POLR2B: variants seen among roughly 807,000 people sequenced by gnomAD.
The protein encoded by POLR2B is DNA-directed RNA polymerase II subunit RPB2.
A neutral mutation model predicts 144.6 loss-of-function variants in POLR2B; 57 were observed. The ratio of observed to expected loss-of-function variants is 0.39; its 90% CI spans 0.32 to 0.49. The LOEUF is 0.49. POLR2B is among the 20% of genes least tolerant of loss of function. The pLI, the probability that POLR2B is intolerant of heterozygous loss-of-function variation, is 0.83. For missense variants in POLR2B, 595 were observed against 1,467.4 expected (o/e 0.41, Z 9.71); for synonymous variants, 442 against 469.8 (o/e 0.94, Z 0.77).
chr4:57,024,724 CAT>C (rs1463650384), intron 21 of POLR2B, among the ~76,000 whole-genome samples, 160 bp from the exon 22 acceptor site: 1 of 152,104 alleles, frequency 6.6e-6, no homozygotes, highest in Non-Finnish European at 1.5e-5. Context: ...CTTTCCATAA[CAT>C]AGATTTTGAG....
intron 22 of POLR2B, 68 bp downstream of exon 22, chr4:57,025,067 A>G: frequency 1.3e-6 from 1 of 787,980 alleles, no homozygotes; most frequent in Non-Finnish European, 2.1e-6. Flanking sequence ...TTTATTCTGA[A>G]ACAATGTAAC....
intron 23 of POLR2B, 77 bp from the exon 24 acceptor site, chr4:57,030,127 C>G (rs774864934): frequency 1.7e-6 from 2 of 1,144,922 alleles, no homozygotes; most frequent in African/African-American, 3.2e-5. Context: ...AAATATTATT[C>G]TCCACCTTTG....
Position 56,994,841 on chromosome 4 carries a change from A to T in POLR2B, c.551A>T (p.Tyr184Phe). The change falls in exon 5 of 25, where the codon TAT becomes TTT. Residue 184 changes from tyrosine to phenylalanine, a missense_variant. Tyr to Phe is a conservative substitution (Grantham distance 22). Around this residue, in one of 9 missense-constraint regions of POLR2B, gnomAD observed 251 missense variants for 567.3 expected, o/e 0.44. Coordinates refer to ENST00000314595, the MANE Select transcript of POLR2B (RefSeq NM_000938.3). ...LNECPLDPGG[Y>F]FIINGSEKVL... ...GAATGCCCTTTGGATCCTGGTGGCTATTTCATTATTAATGGATCAGAAAAG... is the reference window on the plus strand; with the variant it reads ...GAATGCCCTTTGGATCCTGGTGGCTTTTTCATTATTAATGGATCAGAAAAG... 6.2e-7 allele frequency: 1 copy of T among 1,601,354 alleles called. No homozygotes were observed. The highest frequency in any genetic ancestry group is 1.7e-5 in the Admixed American group (1 of 59,820).
Position 57,022,170 on chromosome 4 carries a change from A to C in POLR2B, c.2439A>C (p.Ser813=). ...TTTTTAGGTCTGTTTTCTATCGCTC[A>C]TACAAAGAACAGGAGTCTAAAAAAG... is the stretch of plus-strand genomic sequence containing the variant. The part of the protein sequence containing the change: ...RGFFRSVFYR[S]YKEQESKKGF... The change falls in exon 18 of 25, where the codon TCA becomes TCC. Residue 813 remains serine, a synonymous_variant. Coordinates refer to ENST00000314595, the MANE Select transcript of POLR2B (RefSeq NM_000938.3). The C allele has an allele frequency of 1.2e-6, 2 of 1,609,394 alleles. No individual in the cohort carries two copies. The highest frequency in any genetic ancestry group is 2.7e-5 in the African/African-American group (2 of 74,918).
At position 57,023,594 on chromosome 4, in the gene POLR2B, T is replaced by C; in HGVS notation, c.2766+14T>C. On this transcript the variant is annotated intron_variant, in intron 19 of 24. Transcript: ENST00000314595. The surrounding 1 kb of genome is among the most constrained non-coding windows in gnomAD (Gnocchi z 4.3). The stretch of plus-strand genomic sequence containing the variant: ...TGTAAAATAAGGGTGAGTACAACTT[T>C]GTTCATGTAGCTAGTTTTAGAAAGT... The C allele has an allele frequency of 6.2e-7, 1 of 1,613,140 alleles. No individual in the cohort carries two copies. Among genetic ancestry groups the C allele is most frequent in the Non-Finnish European group, 8.5e-7 (1 of 1,179,262 alleles).
In POLR2B at chr4:57,010,390, T is replaced by G; in HGVS notation, c.1434T>G (p.Thr478=). 3 of 1,614,024 alleles carry G rather than the reference T, an allele frequency of 1.9e-6. No individual in the cohort carries two copies. The highest frequency in any genetic ancestry group is 2.5e-6 in the Non-Finnish European group (3 of 1,179,966). The change falls in exon 11 of 25, where the codon ACT becomes ACG. Residue 478 remains threonine, a synonymous_variant. Transcript: ENST00000314595. ...TAAACCGCCTGACTTTTGCGTCTAC[T>G]CTTTCTCACCTGCGTCGTTTAAATT... ...QVLNRLTFAS[T]LSHLRRLNSP...
chr4:57,018,215 G>T (rs1185850392), intron 16 of POLR2B, among the ~76,000 whole-genome samples: 4 of 152,126 alleles, frequency 2.6e-5, no homozygotes, highest in African/African-American at 9.7e-5. Flanking sequence ...CAACCTTTTG[G>T]ATCAGGGAAG....
At position 57,017,447 on chromosome 4, in the gene POLR2B, T is replaced by C. The variant is rs2109704084; in HGVS notation, c.2155-113T>C. 2.1e-6 allele frequency: 2 copies of C among 969,922 alleles called. No individual in the cohort carries two copies. Among genetic ancestry groups the C allele is most frequent in the African/African-American group, 3.3e-5 (2 of 60,992 alleles). The allele number at this position is 969,922 out of a possible 1,614,324, so 60.1% of individuals were successfully genotyped here. On this transcript the variant is annotated intron_variant, in intron 15 of 24. Transcript: ENST00000314595. The surrounding 1 kb of genome is among the most constrained non-coding windows in gnomAD (Gnocchi z 4.8). ...TTCCAAATGGTTATTACTTACTGTT[T>C]TTGAAAAAAATCAGGAGTTTTACCA...
chr4:57,017,628 T>C lies in POLR2B; in HGVS notation c.2223T>C (p.His741=), dbSNP rs1723412515. 6.2e-7 allele frequency: 1 copy of C among 1,613,828 alleles called. No individual in the cohort carries two copies. Among genetic ancestry groups the C allele is most frequent in the Non-Finnish European group, 8.5e-7 (1 of 1,179,708 alleles). ...QAMGVYITNF[H]VRMDTLAHVL... is the part of the protein sequence containing the mutation. ...TGGGAGTTTACATCACCAACTTCCA[T>C]GTTCGCATGGACACATTGGCCCATG... Residue 741 remains histidine (H), a synonymous_variant, in exon 16 of 25, where the codon CAT becomes CAC. Coordinates refer to ENST00000314595, the MANE Select transcript of POLR2B (RefSeq NM_000938.3). This position sits in a 1 kb window ranked among gnomAD's most constrained non-coding sequence, Gnocchi z 4.8.
intron 7 of POLR2B, among the ~76,000 whole-genome samples, chr4:57,004,127 A>G (rs1722938086): frequency 6.7e-6 from 1 of 149,940 alleles, no homozygotes; most frequent in African/African-American, 2.5e-5. Flanking sequence ...CCCAGGTTCA[A>G]GCAATTCTCC....
chr4:57,011,216 TA>T, intron 13 of POLR2B, 116 bp downstream of exon 13: 1 of 705,238 alleles, frequency 1.4e-6, no homozygotes, highest in South Asian at 1.7e-5. Context: ...CCTTGAACTG[TA>T]AAGTGTAAAT....
At chr4:57,002,063 T>G (rs1323961943) in intron 7 of POLR2B, among the ~76,000 whole-genome samples, 3 of 152,192 alleles carry the variant, frequency 2.0e-5, no homozygotes, top group Admixed American at 6.5e-5. Flanking sequence ...GGTCTCGCTC[T>G]GTCACCCAGG....
chr4:57,025,601 C>T, intron 23 of POLR2B, 64 bp downstream of exon 23: 1 of 1,122,026 alleles, frequency 8.9e-7, no homozygotes, highest in African/African-American at 1.5e-5. Context: ...GTCAACACAC[C>T]AAAATGGAGA....
At chr4:57,019,617 C>T (rs558071687) in intron 16 of POLR2B, among the ~76,000 whole-genome samples, 1 of 152,284 alleles carries the variant, frequency 6.6e-6, no homozygotes, top group African/African-American at 2.4e-5. Flanking sequence ...GGCATGAAGC[C>T]ATATCATTCT....
intron 6 of POLR2B, among the ~76,000 whole-genome samples, chr4:56,997,239 T>C (rs1013587277): frequency 3.3e-5 from 5 of 152,012 alleles, no homozygotes; most frequent in African/African-American, 4.8e-5. Context: ...AGGTTACTAG[T>C]ATGGTGTGGT....
Position 57,022,232 on chromosome 4 carries a change from G to T in POLR2B, c.2501G>T (p.Arg834Leu), listed in dbSNP as rs748064322. 2.5e-6 allele frequency: 4 copies of T among 1,601,368 alleles called. No homozygotes were observed. The East Asian group carries it at 6.7e-5, about 27-fold the overall frequency. Residue 834 changes from arginine to leucine, a missense_variant, in exon 18 of 25, where the codon CGT becomes CTT. This residue lies in a region of POLR2B where 75 missense variants were observed against 100.0 expected (regional missense o/e 0.75). Coordinates refer to ENST00000314595, the MANE Select transcript of POLR2B (RefSeq NM_000938.3). ...GAAGAAGTTTTTGAGAAGCCTACAC[G>T]TGAAACATGCCAGGGTAAGTGACAC... ...DQEEVFEKPT[R>L]ETCQGMRHAI...
At chr4:57,013,547 CT>C (rs11331449) in intron 13 of POLR2B, among the ~76,000 whole-genome samples, 77,995 of 144,828 alleles carry the variant, frequency 0.54, 20,567 homozygotes, top group East Asian at 0.71. Flanking sequence ...ATTTTTTTTT[CT>C]TTTTTTTTTG....
Position 56,978,903 on chromosome 4 carries a change from C to G in POLR2B, c.-83C>G. Reference sequence around the variant, plus strand: ...ACGTCGGAGACGGAAGTTACTTCGTCTTTAGCTCCTGGCGCTGCTGGCTTC... The same window carrying G: ...ACGTCGGAGACGGAAGTTACTTCGTGTTTAGCTCCTGGCGCTGCTGGCTTC... On this transcript the variant is annotated 5_prime_UTR_variant, in exon 1 of 25. Coordinates refer to ENST00000314595, the MANE Select transcript of POLR2B (RefSeq NM_000938.3). The G allele has an allele frequency of 3.7e-6, 5 of 1,346,086 alleles. No individual in the cohort carries two copies. Among genetic ancestry groups the G allele is most frequent in the Non-Finnish European group, 5.3e-6 (5 of 935,736 alleles). The allele number at this position is 1,346,086 out of a possible 1,614,324, so 83.4% of individuals were successfully genotyped here.
At chr4:57,010,634 A>G (rs895003397) in intron 11 of POLR2B, 114 bp from the exon 12 acceptor site, 24 of 1,348,610 alleles carry the variant, frequency 1.8e-5, no homozygotes, top group Admixed American at 9.3e-5. Flanking sequence ...TTATAATTGT[A>G]TTCTTAGAAA....
Sources: allele counts gnomAD v4.1 joint callset (sites outside exome capture counted in the v4.1 genomes callset), GRCh38; gene constraint gnomAD v4.1.1; regional missense constraint gnomAD v4.1.1; non-coding constraint Gnocchi (gnomAD v3.1); transcripts MANE v1.5; gene names NCBI Gene and HGNC (gene_info 2026-07-23, HGNC 2026-07-21).